Variants in NBAS observed in about 807,000 individuals in gnomAD.
The protein encoded by NBAS is NAG/BC035112 fusion.
Under a neutral mutation model 302.5 loss-of-function variants are expected in NBAS, and 219 were observed. The ratio of observed to expected loss-of-function variants is 0.72; its 90% CI spans 0.65 to 0.81. The LOEUF is 0.81. Among genes scored for constraint, NBAS ranks in the 30% least tolerant of loss-of-function variants. The pLI is 0.00. For synonymous variants in NBAS, 1,118 were observed against 1,021.6 expected (o/e 1.09, Z -1.80); for missense variants, 2,932 against 2,841.6 (o/e 1.03, Z -0.72).
At chr2:15,147,515 T>C in the NBAS span, among the ~76,000 whole-genome samples, 1 of 151,912 alleles carries the variant, frequency 6.6e-6, no homozygotes, top group African/African-American at 2.4e-5. Context: ...ATCGCTTGAA[T>C]CCGGAGGTGG....
At chr2:15,485,239 T>C (rs1325269705) in intron 12 of NBAS, among the ~76,000 whole-genome samples, 2 of 151,174 alleles carry the variant, frequency 1.3e-5, no homozygotes, top group African/African-American at 4.9e-5. Flanking sequence ...AAAAAGGATT[T>C]GTCTCTGTGT....
At chr2:15,402,394 G>T in intron 25 of NBAS, 93 bp from the exon 26 acceptor site, 1 of 1,185,180 alleles carries the variant, frequency 8.4e-7, no homozygotes, top group Non-Finnish European at 1.2e-6. Flanking sequence ...ATATTAAATA[G>T]CACAATTAAT....
chr2:14,932,395 T>G, the NBAS span, among the ~76,000 whole-genome samples: 1 of 152,250 alleles, frequency 6.6e-6, no homozygotes, highest in African/African-American at 2.4e-5. Flanking sequence ...CAAAGGGTTC[T>G]CATATGTTCT....
chr2:14,794,485 T>G, the NBAS span, among the ~76,000 whole-genome samples: 131 of 152,340 alleles, frequency 8.6e-4, no homozygotes, highest in African/African-American at 3.1e-3. Context: ...TCATTTATTG[T>G]AAGCCGAGAA....
chr2:15,339,078 T>C (rs1672730705), intron 35 of NBAS, among the ~76,000 whole-genome samples: 2 of 152,186 alleles, frequency 1.3e-5, no homozygotes, highest in Admixed American at 6.5e-5. Flanking sequence ...GCCAAACCCT[T>C]CTTGGATGTC....
chr2:15,146,823 C>T, the NBAS span, among the ~76,000 whole-genome samples: 1 of 152,142 alleles, frequency 6.6e-6, no homozygotes, highest in Non-Finnish European at 1.5e-5. Context: ...ACAGAGTGAG[C>T]ACGACCCACA....
At chr2:15,066,339 T>G in the NBAS span, among the ~76,000 whole-genome samples, 77,295 of 151,978 alleles carry the variant, frequency 0.51, 21,919 homozygotes, top group Non-Finnish European at 0.62. Context: ...ACCAAATGCA[T>G]AGTCAGCAAA....
intron 38 of NBAS, among the ~76,000 whole-genome samples, chr2:15,322,472 A>T (rs1298390212): frequency 6.6e-6 from 1 of 152,174 alleles, no homozygotes; most frequent in Non-Finnish European, 1.5e-5. Flanking sequence ...GTGCAAAGTA[A>T]GTGCCTCTGG....
At chr2:15,507,890 GCA>G (rs796367649) in intron 10 of NBAS, among the ~76,000 whole-genome samples, 7 of 152,302 alleles carry the variant, frequency 4.6e-5, no homozygotes, top group African/African-American at 1.7e-4. Context: ...ATTGAATTTT[GCA>G]CAGTCTGTTT....
At chr2:14,810,170 T>C in the NBAS span, among the ~76,000 whole-genome samples, 1 of 152,262 alleles carries the variant, frequency 6.6e-6, no homozygotes, top group East Asian at 1.9e-4. Context: ...CTGTAATGAG[T>C]TAAGACTTTG....
chr2:15,359,305 T>C (rs893559130), intron 32 of NBAS, among the ~76,000 whole-genome samples: 1 of 152,232 alleles, frequency 6.6e-6, no homozygotes, highest in African/African-American at 2.4e-5. Context: ...TGAAACAAAG[T>C]AGATGAAGAA....
chr2:14,861,493 T>C, the NBAS span, among the ~76,000 whole-genome samples: 1 of 152,164 alleles, frequency 6.6e-6, no homozygotes, highest in Non-Finnish European at 1.5e-5. Flanking sequence ...ACATGCCAGT[T>C]TAGAAAAACA....
the NBAS span, among the ~76,000 whole-genome samples, chr2:15,158,156 T>G: frequency 6.6e-6 from 1 of 152,192 alleles, no homozygotes; most frequent in Non-Finnish European, 1.5e-5. Flanking sequence ...CCAAGAGTCC[T>G]GAATGAAACA....
chr2:15,238,703 G>T lies in NBAS; in HGVS notation c.5725-17C>A. 1 of 389,352 alleles carries T rather than the reference G, an allele frequency of 2.6e-6. No individual in the cohort carries two copies. Among genetic ancestry groups the T allele is most frequent in the Non-Finnish European group, 4.2e-6 (1 of 237,828 alleles). The allele number at this position is 389,352 out of a possible 1,614,324, so 24.1% of individuals were successfully genotyped here. ...CACAGACAGCTTAAAAAAAAGAATA[G>T]TGAGACCAAAGAACCCTGCATTATT... On this transcript the variant is annotated splice_polypyrimidine_tract_variant and intron_variant, in intron 44 of 51. Transcript: ENST00000281513.
At chr2:15,194,762 G>C (rs1438615560) in intron 48 of NBAS, among the ~76,000 whole-genome samples, 1 of 152,156 alleles carries the variant, frequency 6.6e-6, no homozygotes, top group Non-Finnish European at 1.5e-5. Context: ...TAAAGGGACT[G>C]ACCCAAATAT....
the NBAS span, among the ~76,000 whole-genome samples, chr2:14,999,419 T>C: frequency 6.6e-6 from 1 of 152,166 alleles, no homozygotes; most frequent in Non-Finnish European, 1.5e-5. Context: ...CATGTTGAAT[T>C]GTAATCCTAA....
chr2:15,307,076 C>T (rs943800906), intron 40 of NBAS, among the ~76,000 whole-genome samples: 2 of 152,142 alleles, frequency 1.3e-5, no homozygotes, highest in African/African-American at 2.4e-5. Flanking sequence ...GACAGGACCC[C>T]GAAGCTATGG....
At chr2:15,190,451 T>C (rs1665297901) in intron 48 of NBAS, 48 bp from the exon 49 acceptor site, 1 of 1,608,044 alleles carries the variant, frequency 6.2e-7, no homozygotes, top group Non-Finnish European at 8.5e-7. Context: ...GGCTACTGAA[T>C]TGGTTTATAG....
At chr2:14,961,637 G>A in the NBAS span, among the ~76,000 whole-genome samples, 1 of 151,954 alleles carries the variant, frequency 6.6e-6, no homozygotes. Context: ...AACACAAATC[G>A]ACTGACATAG....
Sources: allele counts gnomAD v4.1 joint callset (sites outside exome capture counted in the v4.1 genomes callset), GRCh38; gene constraint gnomAD v4.1.1; transcripts MANE v1.5; gene names NCBI Gene and HGNC (gene_info 2026-07-23, HGNC 2026-07-21).